ZNF695: variants seen among roughly 807,000 people sequenced by gnomAD.
The protein encoded by ZNF695 is zinc finger protein SBZF3.
A neutral mutation model predicts 11.2 loss-of-function variants in ZNF695; 11 were observed. That is an observed-to-expected ratio of 0.98 (90% confidence interval 0.62 to 1.62). The LOEUF (loss-of-function observed/expected upper bound fraction) is 1.62. Ranked by LOEUF, ZNF695 falls within the 40% of genes most tolerant of loss-of-function variation. The pLI is 0.00. For missense variants in ZNF695, 559 were observed against 590.5 expected (o/e 0.95, Z 0.55); for synonymous variants, 190 against 201.4 (o/e 0.94, Z 0.48).
intron 5 of ZNF695, among the ~76,000 whole-genome samples, chr1:246,952,347 A>G (rs551696294): frequency 6.6e-6 from 1 of 152,318 alleles, no homozygotes; most frequent in East Asian, 1.9e-4. Context: ...TATTTTGCAC[A>G]GGTGATTTAA....
In ZNF695 at chr1:246,986,622, T is replaced by C; in HGVS notation, c.*345A>G. 9.8e-7 allele frequency: 1 copy of C among 1,017,700 alleles called. No homozygotes were observed. Among genetic ancestry groups the C allele is most frequent in the Non-Finnish European group, 1.2e-6 (1 of 851,308 alleles). 63.0% of individuals were successfully genotyped at this position (1,017,700 alleles called of 1,614,324 possible). Reference sequence around the variant, plus strand: ...GAACACTCTGGTGTTTTCTGAGGTATATTTTTTGAACAAATGTTGTTTCTG... The same window carrying C: ...GAACACTCTGGTGTTTTCTGAGGTACATTTTTTGAACAAATGTTGTTTCTG... On this transcript the variant is annotated 3_prime_UTR_variant, in exon 4 of 4. Transcript: ENST00000339986.
chr1:246,997,037 G>C (rs928725570), intron 3 of ZNF695, among the ~76,000 whole-genome samples: 1 of 152,120 alleles, frequency 6.6e-6, no homozygotes, highest in African/African-American at 2.4e-5. Flanking sequence ...GAAGTGTACA[G>C]AACTGAATAT....
At chr1:246,960,909 TCAAA>T (rs1346337673) in intron 5 of ZNF695, among the ~76,000 whole-genome samples, 12 of 152,052 alleles carry the variant, frequency 7.9e-5, no homozygotes, top group Admixed American at 7.9e-4. Flanking sequence ...AGACCCTGTC[TCAAA>T]CAAACAAACA....
chr1:246,990,215 AAGAC>A (rs1668990226), intron 3 of ZNF695, among the ~76,000 whole-genome samples: 1 of 151,492 alleles, frequency 6.6e-6, no homozygotes, highest in Non-Finnish European at 1.5e-5. Flanking sequence ...GAGAGAAAGA[AAGAC>A]ACTTTACCTA....
intron 5 of ZNF695, chr1:246,945,881 A>T (rs1261388088): frequency 2.5e-5 from 38 of 1,545,252 alleles, no homozygotes; most frequent in Non-Finnish European, 3.1e-5. Context: ...GCTCCTTGGG[A>T]TATGATTTAT....
rs569089314 is a variant in ZNF695, at chr1:246,985,559, T to C, written c.*1408A>G. ...CTAAGGTGAGATAGGTTAACGTTGG[T>C]GGTAGGATACGCATCACTTAATGTA... On this transcript the variant is annotated 3_prime_UTR_variant, in exon 4 of 4. Transcript: ENST00000339986. 2.5e-4 allele frequency: 247 copies of C among 985,254 alleles called. No individual in the cohort carries two copies. The highest frequency in any genetic ancestry group is 2.8e-4 in the Non-Finnish European group (235 of 829,940). The allele number at this position is 985,254 out of a possible 1,614,324, so 61.0% of individuals were successfully genotyped here.
intron 5 of ZNF695, among the ~76,000 whole-genome samples, chr1:246,959,589 G>A (rs1246524747): frequency 6.6e-6 from 1 of 151,390 alleles, no homozygotes; most frequent in Non-Finnish European, 1.5e-5. Context: ...ACCATACCCG[G>A]CTAATTTTTG....
intron 3 of ZNF695, among the ~76,000 whole-genome samples, chr1:246,991,282 A>T (rs1470707766): frequency 5.3e-5 from 8 of 152,192 alleles, no homozygotes; most frequent in Non-Finnish European, 1.5e-5. Flanking sequence ...AAATGGGAAC[A>T]TATCAAGTTA....
rs775320847 is a variant in ZNF695 at position 246,988,107 on chromosome 1, C to T, written c.408G>A (p.Gly136=). 2 of 1,613,678 alleles carry T rather than the reference C, an allele frequency of 1.2e-6. No homozygotes were observed. The highest frequency in any genetic ancestry group is 1.1e-5 in the South Asian group (1 of 91,040). Residue 136 remains glycine (G), a synonymous_variant, in exon 4 of 4, where the codon GGG becomes GGA. Transcript: ENST00000339986. ...NDWEIVGEWK[G]QKASYNGLDL... ...CAAGTCCATTATAACTTGCCTTCTG[C>T]CCTTTCCACTCACCCACAATTTCCC...
chr1:246,981,561 G>A (rs760485443), downstream of ZNF695, among the ~76,000 whole-genome samples: 1 of 152,134 alleles, frequency 6.6e-6, no homozygotes, highest in Non-Finnish European at 1.5e-5. Context: ...TGATGTTTTT[G>A]TTCTATTAGT....
intron 1 of ZNF695, 31 bp from the exon 2 acceptor site, chr1:247,000,105 C>A: frequency 1.3e-6 from 2 of 1,579,190 alleles, no homozygotes; most frequent in Non-Finnish European, 1.7e-6. Context: ...ACCAAGTGGT[C>A]ACGGCAGAGT....
rs1463837321 is a variant in ZNF695, at chr1:246,999,438, G to A, written c.169C>T (p.Leu57Phe). ...SFNMQFLFHS[L>F]AMSKPELIIC... ...ATCAGTTCTGGCTTAGACATAGCAAGACCTGTTTTATTAGAAAAAAGGTGC... is the reference window on the plus strand; with the variant it reads ...ATCAGTTCTGGCTTAGACATAGCAAAACCTGTTTTATTAGAAAAAAGGTGC... The change falls in exon 3 of 4, where the codon CTT (leucine) becomes TTT (phenylalanine). Residue 57 changes from leucine to phenylalanine, a missense_variant and splice_region_variant. Coordinates refer to ENST00000339986, the MANE Select transcript of ZNF695 (RefSeq NM_020394.5). 6.2e-7 allele frequency: 1 copy of A among 1,612,976 alleles called. No homozygotes were observed. Among genetic ancestry groups the A allele is most frequent in the Non-Finnish European group, 8.5e-7 (1 of 1,179,490 alleles).
chr1:246,966,838 G>A (rs941487232), intron 5 of ZNF695: 8 of 456,678 alleles, frequency 1.8e-5, no homozygotes, highest in African/African-American at 1.6e-4. Context: ...GTGAGCCACT[G>A]CAAGGTTTTA....
intron 3 of ZNF695, among the ~76,000 whole-genome samples, chr1:246,992,174 A>T (rs946963426): frequency 6.6e-6 from 1 of 150,946 alleles, no homozygotes; most frequent in Non-Finnish European, 1.5e-5. Context: ...AAAAAAAAAA[A>T]GAAAATGTAC....
intron 5 of ZNF695, among the ~76,000 whole-genome samples, chr1:246,959,801 A>G (rs1668118854): frequency 6.6e-6 from 1 of 152,112 alleles, no homozygotes; most frequent in African/African-American, 2.4e-5. Context: ...TTCTGCACCA[A>G]TGATGCAGGA....
chr1:246,970,981 A>G (rs993717908), intron 4 of ZNF695, among the ~76,000 whole-genome samples: 50 of 152,198 alleles, frequency 3.3e-4, no homozygotes, highest in African/African-American at 1.1e-3. Flanking sequence ...GAGAGATCGT[A>G]GAAATAAAGA....
At chr1:246,956,679 G>A (rs935307614) in intron 5 of ZNF695, among the ~76,000 whole-genome samples, 10 of 152,102 alleles carry the variant, frequency 6.6e-5, no homozygotes, top group African/African-American at 2.4e-4. Context: ...CCCATTCTAT[G>A]TTATTAGATA....
At chr1:246,993,665 T>C (rs1356214082) in intron 3 of ZNF695, among the ~76,000 whole-genome samples, 1 of 152,084 alleles carries the variant, frequency 6.6e-6, no homozygotes, top group Non-Finnish European at 1.5e-5. Flanking sequence ...ATAGCAACCC[T>C]AAAGAAATGG....
chr1:246,982,270 C>CAGA (rs1668728981), downstream of ZNF695, among the ~76,000 whole-genome samples: 1 of 111,236 alleles, frequency 9.0e-6, no homozygotes, highest in Admixed American at 9.6e-5. Context: ...AACTTAGTCT[C>CAGA]AAAAAAAAAA....
Sources: gnomAD v4.1 joint callset for allele counts (sites outside exome capture counted in the v4.1 genomes callset) on GRCh38, gnomAD v4.1.1 for gene constraint, MANE v1.5 for transcripts, NCBI Gene and HGNC (gene_info 2026-07-23, HGNC 2026-07-21) for gene names.